Variants in NPTN observed in about 807,000 individuals in gnomAD.
NPTN encodes SDR-1.
Under a neutral mutation model 42.7 loss-of-function variants are expected in NPTN, and 5 were observed. The observed-to-expected ratio is 0.12, with a 90% CI of 0.06 to 0.25. The LOEUF is 0.25. Ranked by LOEUF, NPTN falls within the 10% of genes least tolerant of loss-of-function variation. The pLI is 1.00. For missense variants in NPTN, 307 were observed against 525.4 expected, an observed-to-expected ratio of 0.58 and a Z score of 4.06; for synonymous variants, 180 against 201.9, an observed-to-expected ratio of 0.89 and a Z score of 0.92.
intron 2 of NPTN, among the ~76,000 whole-genome samples, chr15:73,594,908 G>A (rs1383204715): frequency 2.0e-5 from 3 of 150,232 alleles, no homozygotes; most frequent in African/African-American, 7.4e-5. Flanking sequence ...TTGGGACGCT[G>A]AGATCATAAA....
rs759681722 is a variant in NPTN at position 73,570,466 on chromosome 15, G to C, written c.841-43C>G. The C allele has an allele frequency of 9.5e-6, 15 of 1,575,376 alleles. No homozygotes were observed. In the South Asian group the frequency reaches 1.6e-4, roughly 17 times the overall value. On this transcript the variant is annotated intron_variant, in intron 5 of 8. Coordinates refer to ENST00000345330, the MANE Select transcript of NPTN (RefSeq NM_012428.4). This position sits in a 1 kb window ranked among gnomAD's most constrained non-coding sequence, Gnocchi z 4.0. ...TACACAAAGGTGAGAGTGAGTAACT[G>C]AGCTAATGTTCAAGAGAGGGTGACA... is the stretch of plus-strand genomic sequence containing the variant.
chr15:73,574,028 G>T (rs556916889), intron 4 of NPTN, among the ~76,000 whole-genome samples: 20 of 152,338 alleles, frequency 1.3e-4, no homozygotes, highest in Non-Finnish European at 1.5e-5. Flanking sequence ...ACTAATATAT[G>T]AGGCTCTACT....
intron 1 of NPTN, among the ~76,000 whole-genome samples, chr15:73,611,671 C>T (rs1014498054): frequency 2.6e-5 from 4 of 152,112 alleles, no homozygotes; most frequent in South Asian, 2.1e-4. Flanking sequence ...TAATGATTAG[C>T]GTATGTAATT....
intron 1 of NPTN, among the ~76,000 whole-genome samples, chr15:73,625,042 C>T (rs1320593652): frequency 1.3e-5 from 2 of 152,078 alleles, no homozygotes; most frequent in African/African-American, 4.8e-5. Flanking sequence ...TGATAAATGT[C>T]TAGTGAAAAT....
chr15:73,605,945 C>T (rs1359647868), intron 1 of NPTN, among the ~76,000 whole-genome samples: 1 of 151,974 alleles, frequency 6.6e-6, no homozygotes, highest in African/African-American at 2.4e-5. Context: ...GCCTGTAATA[C>T]CACCTACTTG....
At chr15:73,613,717 G>A (rs1897711371) in intron 1 of NPTN, among the ~76,000 whole-genome samples, 2 of 151,700 alleles carry the variant, frequency 1.3e-5, no homozygotes, top group African/African-American at 2.4e-5. Flanking sequence ...ACAGAGTCTC[G>A]CTCTGTCGCC....
At chr15:73,562,253 C>G (rs1185278258) in intron 7 of NPTN, among the ~76,000 whole-genome samples, 1 of 152,066 alleles carries the variant, frequency 6.6e-6, no homozygotes, top group African/African-American at 2.4e-5. Flanking sequence ...ATCTGAAAAT[C>G]CAAAATTCAA....
At chr15:73,579,375 C>T (rs779728506) in intron 4 of NPTN, among the ~76,000 whole-genome samples, 3 of 151,990 alleles carry the variant, frequency 2.0e-5, no homozygotes, top group Non-Finnish European at 4.4e-5. Context: ...ATATAAATTT[C>T]AGGTATCAGC....
chr15:73,624,834 A>G (rs16958099), intron 1 of NPTN, among the ~76,000 whole-genome samples: 2,030 of 152,310 alleles, frequency 0.013, 53 homozygotes, highest in African/African-American at 0.046. Flanking sequence ...TAAGGAACAC[A>G]AGGTCTAATT....
At chr15:73,562,408 G>C (rs1894729897) in intron 7 of NPTN, among the ~76,000 whole-genome samples, 1 of 152,178 alleles carries the variant, frequency 6.6e-6, no homozygotes, top group South Asian at 2.1e-4. Flanking sequence ...GACCCCCAAG[G>C]CAGACGAGTA....
At chr15:73,565,220 C>T (rs1199852089) in intron 6 of NPTN, among the ~76,000 whole-genome samples, 1 of 152,190 alleles carries the variant, frequency 6.6e-6, no homozygotes, top group East Asian at 1.9e-4. Flanking sequence ...AATCCACTTT[C>T]ACACTGACAA....
chr15:73,629,933 G>A (rs575601298), intron 1 of NPTN, among the ~76,000 whole-genome samples: 75 of 152,228 alleles, frequency 4.9e-4, no homozygotes, highest in Non-Finnish European at 7.4e-4. Flanking sequence ...CAGACACAGT[G>A]CAGCTGGTCA....
intron 2 of NPTN, among the ~76,000 whole-genome samples, chr15:73,594,635 G>A (rs965575276): frequency 6.6e-6 from 1 of 152,224 alleles, no homozygotes; most frequent in African/African-American, 2.4e-5. Flanking sequence ...GTGGCCAAGC[G>A]CTGCCCAAAG....
intron 1 of NPTN, among the ~76,000 whole-genome samples, chr15:73,606,891 G>C (rs1467396664): frequency 1.3e-5 from 2 of 152,152 alleles, no homozygotes; most frequent in Non-Finnish European, 2.9e-5. Flanking sequence ...TTTTAGCAAA[G>C]AACCTTGCTA....
At chr15:73,625,911 T>A (rs919567495) in intron 1 of NPTN, among the ~76,000 whole-genome samples, 1 of 152,118 alleles carries the variant, frequency 6.6e-6, no homozygotes. Flanking sequence ...ACCTAACAGA[T>A]AACAAAGTAG....
intron 4 of NPTN, among the ~76,000 whole-genome samples, chr15:73,576,239 G>A (rs765244172): frequency 6.6e-6 from 1 of 152,240 alleles, no homozygotes; most frequent in Non-Finnish European, 1.5e-5. Flanking sequence ...GACTGGTTGG[G>A]TAAGGCTTTT....
At chr15:73,628,049 A>G (rs1325748966) in intron 1 of NPTN, among the ~76,000 whole-genome samples, 2 of 152,238 alleles carry the variant, frequency 1.3e-5, no homozygotes, top group Non-Finnish European at 2.9e-5. Flanking sequence ...TTACAAATGC[A>G]TTATCTAAGG....
At chr15:73,629,196 G>C (rs1898595675) in intron 1 of NPTN, among the ~76,000 whole-genome samples, 1 of 152,196 alleles carries the variant, frequency 6.6e-6, no homozygotes, top group South Asian at 2.1e-4. Flanking sequence ...CATTATATCA[G>C]TAGTGACATT....
intron 1 of NPTN, among the ~76,000 whole-genome samples, chr15:73,608,631 T>C (rs1451533134): frequency 6.6e-6 from 1 of 152,156 alleles, no homozygotes; most frequent in Non-Finnish European, 1.5e-5. Flanking sequence ...AAGAGCATAT[T>C]GGGCTTCTTT....
Sources: gnomAD v4.1 joint callset for allele counts (sites outside exome capture counted in the v4.1 genomes callset) on GRCh38, gnomAD v4.1.1 for gene constraint, Gnocchi (gnomAD v3.1) non-coding constraint, MANE v1.5 for transcripts, NCBI Gene and HGNC (gene_info 2026-07-23, HGNC 2026-07-21) for gene names.